The following IQGAP1 variants were observed in gnomAD, a reference collection of about 807,000 sequenced individuals.
IQGAP1 encodes IQ motif containing GTPase activating protein 1, also known as ras GTPase-activating-like protein IQGAP1.
A neutral mutation model predicts 215.6 loss-of-function variants in IQGAP1; 66 were observed. That is an observed-to-expected ratio of 0.31 (90% CI 0.25 to 0.38). The LOEUF (loss-of-function observed/expected upper bound fraction) is 0.38, where lower values mean the gene tolerates loss of function less well. IQGAP1 is among the 10% of genes least tolerant of loss of function. IQGAP1 has a pLI of 1.00. For missense variants in IQGAP1, 1,712 were observed against 1,997.1 expected (o/e 0.86, Z 2.72); for synonymous variants, 772 against 728.7 (o/e 1.06, Z -0.96).
chr15:90,409,524 C>A (rs1596252698), intron 2 of IQGAP1, among the ~76,000 whole-genome samples: 1 of 152,272 alleles, frequency 6.6e-6, no homozygotes, highest in African/African-American at 2.4e-5. Flanking sequence ...AGACGTGAGC[C>A]ACTGCGCCAG....
chr15:90,471,113 C>T (rs1965898502), intron 18 of IQGAP1, among the ~76,000 whole-genome samples: 1 of 152,084 alleles, frequency 6.6e-6, no homozygotes, highest in African/African-American at 2.4e-5. Flanking sequence ...TCCAGAAGTC[C>T]AGCAGACACC....
At chr15:90,461,150 T>TA (rs1225850642) in intron 15 of IQGAP1, among the ~76,000 whole-genome samples, 1 of 151,388 alleles carries the variant, frequency 6.6e-6, no homozygotes, top group Non-Finnish European at 1.5e-5. Flanking sequence ...CTACTAAAAA[T>TA]ACAAAAAATT....
At chr15:90,423,380 C>T (rs760834808) in intron 2 of IQGAP1, among the ~76,000 whole-genome samples, 4 of 152,106 alleles carry the variant, frequency 2.6e-5, no homozygotes, top group Non-Finnish European at 4.4e-5. Flanking sequence ...ACTATAGGTG[C>T]ACACCACCAC....
chr15:90,498,108 C>G (rs1396726519), intron 37 of IQGAP1, among the ~76,000 whole-genome samples: 1 of 141,376 alleles, frequency 7.1e-6, no homozygotes, highest in African/African-American at 2.6e-5. Context: ...CATGGGTGTG[C>G]CTCCCCCAGC....
At chr15:90,483,061 T>C in intron 28 of IQGAP1, 1 of 298,930 alleles carries the variant, frequency 3.3e-6, no homozygotes, top group South Asian at 4.2e-5. Context: ...CCTGAAATAC[T>C]TAATAACAGA....
At chr15:90,479,353 A>G (rs551672932) in intron 26 of IQGAP1, among the ~76,000 whole-genome samples, 25 of 152,212 alleles carry the variant, frequency 1.6e-4, no homozygotes, top group Admixed American at 4.6e-4. Context: ...GAATAACACT[A>G]TTCTTCATTC....
Position 90,481,855 on chromosome 15 carries a change from A to G in IQGAP1, c.3330-105A>G, listed in dbSNP as rs1208132388. On this transcript the variant is annotated intron_variant, in intron 26 of 37. Coordinates refer to ENST00000268182, the MANE Select transcript of IQGAP1 (RefSeq NM_003870.4). ...AGCCCCGTGAGGATGAGCTTAAGCT[A>G]TCTAATATTTCTGGGTCTTATAGTT... is the stretch of plus-strand genomic sequence containing the variant. The G allele has an allele frequency of 2.5e-6, 3 of 1,198,272 alleles. No homozygotes were observed. In the Admixed American group the frequency reaches 6.3e-5, roughly 25 times the overall value. The allele number at this position is 1,198,272 out of a possible 1,614,324, so 74.2% of individuals were successfully genotyped here.
chr15:90,428,039 T>C (rs1055184892), intron 3 of IQGAP1, among the ~76,000 whole-genome samples: 7 of 152,148 alleles, frequency 4.6e-5, no homozygotes, highest in East Asian at 1.9e-4. Flanking sequence ...AAAAGACTTA[T>C]ATGTTCAGTG....
chr15:90,463,063 GGT>G (rs4031434), intron 15 of IQGAP1, among the ~76,000 whole-genome samples: 53,549 of 151,766 alleles, frequency 0.35, 10,074 homozygotes, highest in East Asian at 0.67. Flanking sequence ...ACTGGGATGA[GGT>G]GTAGTGTATG....
chr15:90,410,206 A>G lies in IQGAP1; in HGVS notation c.156-15904A>G, dbSNP rs113110485. Among the ~76,000 whole-genome samples the G allele has an allele frequency of 5.4e-3, 822 of 152,214 alleles. 10 individuals carry two copies. Among genetic ancestry groups the G allele is most frequent in the African/African-American group, 0.019 (797 of 41,522 alleles). On this transcript the variant is annotated intron_variant, in intron 2 of 37. Coordinates refer to ENST00000268182, the MANE Select transcript of IQGAP1 (RefSeq NM_003870.4). ...GTTGCCGTTGCTTTTGGTGTTTTAG[A>G]CATGAAGTCCTTGCCCATGCCTATG...
chr15:90,444,642 T>A (rs1468744627), intron 9 of IQGAP1, among the ~76,000 whole-genome samples: 2 of 152,188 alleles, frequency 1.3e-5, no homozygotes, highest in East Asian at 3.9e-4. Flanking sequence ...TTTATATATG[T>A]GTTACTTTTG....
chr15:90,462,880 TA>T, intron 15 of IQGAP1, among the ~76,000 whole-genome samples: 1 of 152,350 alleles, frequency 6.6e-6, no homozygotes, highest in South Asian at 2.1e-4. Flanking sequence ...ATAGCATTTT[TA>T]CAGCAAATCT....
intron 22 of IQGAP1, 36 bp downstream of exon 22, chr15:90,474,169 T>A (rs1164631865): frequency 1.3e-6 from 2 of 1,557,768 alleles, no homozygotes; most frequent in Non-Finnish European, 1.7e-6. Context: ...GTTGAGGCAG[T>A]GGCTGGGAGC....
In IQGAP1 at chr15:90,452,917, CCTG is replaced by C; in HGVS notation, c.1307_1309del (p.Leu436del). The C allele has an allele frequency of 6.2e-7, 1 of 1,613,958 alleles. No homozygotes were observed. The highest frequency in any genetic ancestry group is 8.5e-7 in the Non-Finnish European group (1 of 1,179,986). The stretch of plus-strand genomic sequence containing the variant: ...ATCTCTATCAGAAGGAGCTGGCTAC[CCTG>C]CAGCGACAAAGTCCTGAAGTGAGTT... On this transcript the variant is annotated inframe_deletion, in exon 12 of 38. Coordinates refer to ENST00000268182, the MANE Select transcript of IQGAP1 (RefSeq NM_003870.4).
In IQGAP1 at chr15:90,487,601, C is replaced by T. The variant is rs1187165866; in HGVS notation, c.4248+19C>T. On this transcript the variant is annotated intron_variant, in intron 33 of 37. Coordinates refer to ENST00000268182, the MANE Select transcript of IQGAP1 (RefSeq NM_003870.4). ...TGAACAGGTAAAATTTAGGGTCTAA[C>T]ATACTCCTTTGTTTGGTAGATAAGC... The T allele has an allele frequency of 1.3e-6, 2 of 1,537,168 alleles. No homozygotes were observed. The highest frequency in any genetic ancestry group is 1.8e-6 in the Non-Finnish European group (2 of 1,110,914).
intron 9 of IQGAP1, among the ~76,000 whole-genome samples, chr15:90,445,666 G>T (rs1381204994): frequency 6.6e-6 from 1 of 152,072 alleles, no homozygotes; most frequent in Admixed American, 6.5e-5. Flanking sequence ...AACTAGGTCA[G>T]GCTTAATCTT....
chr15:90,429,652 A>G lies in IQGAP1; in HGVS notation c.376A>G (p.Ile126Val). The G allele has an allele frequency of 6.2e-7, 1 of 1,607,242 alleles. No homozygotes were observed. Among genetic ancestry groups the G allele is most frequent in the Non-Finnish European group, 8.5e-7 (1 of 1,177,060 alleles). Residue 126 changes from isoleucine to valine, a missense_variant, in exon 4 of 38, where the codon ATT (isoleucine) becomes GTT (valine). Around this residue, in one of 2 missense-constraint regions of IQGAP1, gnomAD observed 1,021 missense variants for 1,074.2 expected, o/e 0.95. Coordinates refer to ENST00000268182, the MANE Select transcript of IQGAP1 (RefSeq NM_003870.4). The part of the protein sequence containing the change: ...VIQWLNAMDE[I>V]GLPKIFYPET... Reference sequence around the variant, plus strand: ...TCAGTGGTTGAATGCCATGGATGAGATTGGATTGCCTAAGGTAACTTACCT... The same window carrying G: ...TCAGTGGTTGAATGCCATGGATGAGGTTGGATTGCCTAAGGTAACTTACCT...
intron 2 of IQGAP1, among the ~76,000 whole-genome samples, chr15:90,414,623 A>G (rs570101575): frequency 2.6e-5 from 4 of 152,138 alleles, no homozygotes; most frequent in Non-Finnish European, 4.4e-5. Flanking sequence ...CACAGACGCT[A>G]TCTTTGTCTC....
At chr15:90,457,670 G>A (rs1965705149) in intron 15 of IQGAP1, among the ~76,000 whole-genome samples, 1 of 146,456 alleles carries the variant, frequency 6.8e-6, no homozygotes. Context: ...TCGAACTCCT[G>A]ACCTCAAGTG....
Sources: allele counts gnomAD v4.1 joint callset (sites outside exome capture counted in the v4.1 genomes callset), GRCh38; gene constraint gnomAD v4.1.1; regional missense constraint gnomAD v4.1.1; transcripts MANE v1.5; gene names NCBI Gene and HGNC (gene_info 2026-07-23, HGNC 2026-07-21).